NKAIN2: variants seen among roughly 807,000 people sequenced by gnomAD.
The protein encoded by NKAIN2 is sodium/potassium-transporting ATPase subunit beta-1-interacting protein 2.
NKAIN2 carries 14 observed loss-of-function variants against 32.6 expected under a neutral mutation model. The observed-to-expected ratio is 0.43, with a 90% CI of 0.28 to 0.67. The LOEUF is 0.67. Ranked by LOEUF, NKAIN2 falls within the 30% of genes least tolerant of loss-of-function variation. The pLI is 0.17. For missense variants in NKAIN2, 198 were observed against 258.3 expected, an observed-to-expected ratio of 0.77 and a Z score of 1.60; for synonymous variants, 80 against 87.2, an observed-to-expected ratio of 0.92 and a Z score of 0.46.
At chr6:123,970,163 A>G (rs9401715) in intron 1 of NKAIN2, among the ~76,000 whole-genome samples, 38,340 of 151,876 alleles carry the variant, frequency 0.25, 5,116 homozygotes, top group East Asian at 0.46. Context: ...GAAGATACAC[A>G]TCAAATTCAG....
chr6:124,664,104 G>C (rs764440651), intron 4 of NKAIN2, among the ~76,000 whole-genome samples: 2 of 151,746 alleles, frequency 1.3e-5, no homozygotes, highest in African/African-American at 4.8e-5. Flanking sequence ...CTGAAACCCC[G>C]TCTCTACTAA....
At chr6:124,701,138 T>TACACACACACACACAC (rs888856391) in intron 4 of NKAIN2, among the ~76,000 whole-genome samples, 2 of 118,942 alleles carry the variant, frequency 1.7e-5, no homozygotes, top group African/African-American at 3.5e-5. Context: ...AGGAGAGAGA[T>TACACACACACACACAC]ACACACACAC....
chr6:124,138,667 T>TTAATATTATTAA lies in NKAIN2; in HGVS notation c.55-144334_55-144333insATTATTAATAAT, dbSNP rs35760348. ...TATTATTAATAATTATGTTATATTATTAATTATGTTATATAAGTGGATATA... is the reference window on the plus strand; with the variant it reads ...TATTATTAATAATTATGTTATATTATTAATATTATTAATAATTATGTTATATAAGTGGATATA... On this transcript the variant is annotated intron_variant, in intron 1 of 6. Coordinates refer to ENST00000368417, the MANE Select transcript of NKAIN2 (RefSeq NM_001040214.3). 7.7e-4 allele frequency among the ~76,000 whole-genome samples: 112 copies of TTAATATTATTAA among 145,540 alleles called. 1 individual carries two copies. The highest frequency in any genetic ancestry group is 7.4e-3 in the East Asian group (37 of 5,018).
intron 4 of NKAIN2, among the ~76,000 whole-genome samples, chr6:124,750,217 G>C (rs1484520788): frequency 6.6e-6 from 1 of 151,872 alleles, no homozygotes; most frequent in Non-Finnish European, 1.5e-5. Context: ...CTAAATGTTA[G>C]TTATTCTTTT....
rs1245161567 is a variant in NKAIN2 at position 124,709,628 on chromosome 6, G to C, written c.474+51242G>C. On this transcript the variant is annotated intron_variant, in intron 4 of 6. Transcript: ENST00000368417. ...CTAGATTTTCTAGTTTATTTGCGTA[G>C]AGGTATTTGTAGTATTCTCTGATGG... 1.3e-3 allele frequency among the ~76,000 whole-genome samples: 193 copies of C among 149,624 alleles called. 1 individual carries two copies. Among genetic ancestry groups the C allele is most frequent in the African/African-American group, 4.5e-3 (181 of 40,630 alleles).
chr6:124,531,872 TG>T (rs1466148565), intron 3 of NKAIN2, among the ~76,000 whole-genome samples: 2 of 152,160 alleles, frequency 1.3e-5, no homozygotes, highest in African/African-American at 4.8e-5. Flanking sequence ...GGTTTCACCA[TG>T]TTGGCAAAGC....
chr6:124,262,744 GA>G (rs1433987246), intron 1 of NKAIN2, among the ~76,000 whole-genome samples: 2 of 152,126 alleles, frequency 1.3e-5, no homozygotes, highest in Non-Finnish European at 2.9e-5. Flanking sequence ...GTGACATATG[GA>G]GGGTAGATTA....
intron 1 of NKAIN2, among the ~76,000 whole-genome samples, chr6:124,182,381 C>G (rs959917507): frequency 6.6e-6 from 1 of 152,080 alleles, no homozygotes; most frequent in African/African-American, 2.4e-5. Flanking sequence ...TTTTTAAAAA[C>G]AAGTCATTAT....
chr6:124,644,688 G>C (rs1398615331), intron 3 of NKAIN2, among the ~76,000 whole-genome samples: 1 of 152,146 alleles, frequency 6.6e-6, no homozygotes, highest in Non-Finnish European at 1.5e-5. Context: ...TATATGGCAT[G>C]AGCCACCATG....
At chr6:123,917,072 A>C (rs1413444839) in intron 1 of NKAIN2, among the ~76,000 whole-genome samples, 1 of 152,118 alleles carries the variant, frequency 6.6e-6, no homozygotes, top group African/African-American at 2.4e-5. Context: ...AAATTAGAAC[A>C]TGTGGAGCTT....
At chr6:124,565,179 T>G (rs1400720310) in intron 3 of NKAIN2, among the ~76,000 whole-genome samples, 2 of 152,128 alleles carry the variant, frequency 1.3e-5, no homozygotes, top group Non-Finnish European at 2.9e-5. Flanking sequence ...AACCCTTAAC[T>G]TTGCATATCC....
intron 1 of NKAIN2, among the ~76,000 whole-genome samples, chr6:124,116,070 G>A (rs115991384): frequency 0.022 from 3,385 of 152,090 alleles, 117 homozygotes; most frequent in African/African-American, 0.065. Flanking sequence ...ACTTTTCAAA[G>A]CACGTTCAGC....
intron 3 of NKAIN2, among the ~76,000 whole-genome samples, chr6:124,534,826 T>C (rs927988581): frequency 6.6e-6 from 1 of 152,194 alleles, no homozygotes; most frequent in African/African-American, 2.4e-5. Flanking sequence ...GGTCTGTTTT[T>C]AAATTTTTTT....
chr6:123,827,431 G>T (rs752957865), intron 1 of NKAIN2, among the ~76,000 whole-genome samples: 2 of 152,090 alleles, frequency 1.3e-5, no homozygotes, highest in Non-Finnish European at 2.9e-5. Context: ...TCTTATACAT[G>T]TACCACATGA....
intron 5 of NKAIN2, among the ~76,000 whole-genome samples, chr6:124,817,469 T>G (rs1414082640): frequency 6.6e-6 from 1 of 152,266 alleles, no homozygotes; most frequent in East Asian, 1.9e-4. Flanking sequence ...GATCTCTCCA[T>G]GCGGGCTAGC....
intron 1 of NKAIN2, among the ~76,000 whole-genome samples, chr6:123,916,619 T>C (rs1305209798): frequency 6.6e-6 from 1 of 152,008 alleles, no homozygotes; most frequent in Non-Finnish European, 1.5e-5. Flanking sequence ...AAGAAGATGA[T>C]GAAAGAAAAG....
At chr6:123,827,895 C>CTCTA (rs1562204089) in intron 1 of NKAIN2, among the ~76,000 whole-genome samples, 2 of 147,418 alleles carry the variant, frequency 1.4e-5, no homozygotes, top group African/African-American at 5.0e-5. Flanking sequence ...CTCTCTCTCT[C>CTCTA]TATATATATA....
chr6:124,513,411 A>T (rs1778791033), intron 3 of NKAIN2, among the ~76,000 whole-genome samples: 1 of 152,114 alleles, frequency 6.6e-6, no homozygotes, highest in Admixed American at 6.6e-5. Flanking sequence ...TGTGCATAAT[A>T]CCTACCATTT....
intron 3 of NKAIN2, among the ~76,000 whole-genome samples, chr6:124,400,415 G>GA (rs1205899583): frequency 6.6e-6 from 1 of 151,990 alleles, no homozygotes; most frequent in Non-Finnish European, 1.5e-5. Flanking sequence ...AGTAAGAGTG[G>GA]AAAAATTGGG....
Sources: gnomAD v4.1 joint callset for allele counts (sites outside exome capture counted in the v4.1 genomes callset) on GRCh38, gnomAD v4.1.1 for gene constraint, MANE v1.5 for transcripts, NCBI Gene and HGNC (gene_info 2026-07-23, HGNC 2026-07-21) for gene names.